The following ASIC2 variants were observed in gnomAD, a reference collection of about 807,000 sequenced individuals.
ASIC2 encodes the protein acid-sensing ion channel 2.
A neutral mutation model predicts 57.3 loss-of-function variants in ASIC2; 25 were observed. The observed-to-expected ratio is 0.44, with a 90% confidence interval of 0.32 to 0.61. The LOEUF (loss-of-function observed/expected upper bound fraction) is 0.61. Ranked by LOEUF, ASIC2 falls within the 20% of genes least tolerant of loss-of-function variation. The pLI is 0.06. For missense variants in ASIC2, 641 were observed against 738.1 expected, an observed-to-expected ratio of 0.87 and a Z score of 1.52; for synonymous variants, 319 against 307.5, an observed-to-expected ratio of 1.04 and a Z score of -0.39.
chr17:33,969,895 C>T (rs181435696), intron 1 of ASIC2, among the ~76,000 whole-genome samples: 10 of 152,102 alleles, frequency 6.6e-5, no homozygotes, highest in Admixed American at 3.9e-4. Context: ...GCTAGGCCTC[C>T]GATATGTAAC....
chr17:33,973,372 G>T (rs1905276958), intron 1 of ASIC2, among the ~76,000 whole-genome samples: 1 of 152,204 alleles, frequency 6.6e-6, no homozygotes, highest in African/African-American at 2.4e-5. Context: ...GAGGCAAGCT[G>T]CCATTGTTGG....
intron 1 of ASIC2, among the ~76,000 whole-genome samples, chr17:33,342,910 G>A (rs897052898): frequency 3.3e-5 from 5 of 152,178 alleles, no homozygotes; most frequent in Non-Finnish European, 7.3e-5. Flanking sequence ...GCAGGCTCTA[G>A]GGACTCGGTT....
At chr17:33,279,297 A>G (rs1161167057) in intron 1 of ASIC2, among the ~76,000 whole-genome samples, 1 of 152,174 alleles carries the variant, frequency 6.6e-6, no homozygotes, top group African/African-American at 2.4e-5. Flanking sequence ...GGCATATCTA[A>G]GCACCCAGTT....
At chr17:33,516,842 A>G (rs1212299717) in intron 1 of ASIC2, among the ~76,000 whole-genome samples, 2 of 152,092 alleles carry the variant, frequency 1.3e-5, no homozygotes, top group African/African-American at 4.8e-5. Context: ...CTCTTATTAC[A>G]CTGGGTTTGA....
intron 1 of ASIC2, among the ~76,000 whole-genome samples, chr17:33,362,647 A>T (rs1384055270): frequency 6.6e-6 from 1 of 152,256 alleles, no homozygotes; most frequent in Admixed American, 6.5e-5. Flanking sequence ...CTGTGAAAAG[A>T]TAATGGATAG....
intron 1 of ASIC2, chr17:33,634,710 C>CTTTTTTTTTT (rs71144892): frequency 1.4e-5 from 1 of 74,036 alleles, no homozygotes; most frequent in Non-Finnish European, 2.7e-5. Flanking sequence ...TTCTTTCTTT[C>CTTTTTTTTTT]TTTTTTTTTT....
intron 1 of ASIC2, among the ~76,000 whole-genome samples, chr17:34,056,123 A>T (rs1908757189): frequency 6.6e-6 from 1 of 152,228 alleles, no homozygotes. Flanking sequence ...AGAGAAATGG[A>T]AGAATGGTCT....
intron 1 of ASIC2, among the ~76,000 whole-genome samples, chr17:33,807,362 A>G (rs1265233419): frequency 1.3e-5 from 2 of 152,166 alleles, no homozygotes; most frequent in South Asian, 2.1e-4. Flanking sequence ...ATTTGACAAT[A>G]TTTGTTGGGT....
At chr17:33,921,859 G>C (rs990426532) in intron 1 of ASIC2, among the ~76,000 whole-genome samples, 1 of 152,120 alleles carries the variant, frequency 6.6e-6, no homozygotes, top group Non-Finnish European at 1.5e-5. Flanking sequence ...GGAGAAGGAG[G>C]AGTGAATATT....
intron 1 of ASIC2, among the ~76,000 whole-genome samples, chr17:33,476,652 G>A (rs4794952): frequency 0.27 from 41,139 of 151,270 alleles, 5,689 homozygotes; most frequent in South Asian, 0.32. Flanking sequence ...AAGAGGGGGT[G>A]CAGCTGAGAG....
At chr17:33,499,355 A>T (rs998990814) in intron 1 of ASIC2, among the ~76,000 whole-genome samples, 9 of 152,222 alleles carry the variant, frequency 5.9e-5, no homozygotes, top group African/African-American at 1.9e-4. Flanking sequence ...ATTTGGAAAT[A>T]GGGGTCTTTG....
At chr17:33,614,817 A>G (rs1174374492) in intron 1 of ASIC2, among the ~76,000 whole-genome samples, 1 of 152,258 alleles carries the variant, frequency 6.6e-6, no homozygotes, top group African/African-American at 2.4e-5. Flanking sequence ...AGTGGTTAAT[A>G]GTATGGACTC....
At chr17:34,151,043 CA>C (rs1904495979) in intron 1 of ASIC2, among the ~76,000 whole-genome samples, 1 of 144,838 alleles carries the variant, frequency 6.9e-6, no homozygotes, top group South Asian at 2.2e-4. Flanking sequence ...GTGGAGGTTG[CA>C]GTGAGCTAAG....
chr17:33,908,619 T>C (rs1327551248), intron 1 of ASIC2, among the ~76,000 whole-genome samples: 1 of 152,198 alleles, frequency 6.6e-6, no homozygotes, highest in African/African-American at 2.4e-5. Context: ...TTTCCAACAG[T>C]TTCTGGCTTA....
intron 1 of ASIC2, among the ~76,000 whole-genome samples, chr17:33,379,507 T>C (rs1909401631): frequency 1.3e-5 from 2 of 152,180 alleles, no homozygotes; most frequent in South Asian, 4.1e-4. Context: ...GGGGTGAGGA[T>C]TCCCGTGGAT....
intron 1 of ASIC2, among the ~76,000 whole-genome samples, chr17:33,918,406 G>A (rs1208679259): frequency 3.3e-5 from 5 of 152,144 alleles, no homozygotes; most frequent in African/African-American, 9.7e-5. Context: ...CTAAGACAGT[G>A]ATTATTGATT....
At chr17:33,612,812 A>C (rs1905453946) in intron 1 of ASIC2, among the ~76,000 whole-genome samples, 1 of 152,202 alleles carries the variant, frequency 6.6e-6, no homozygotes, top group Admixed American at 6.5e-5. Flanking sequence ...TGTCATGAGC[A>C]AGTCACTAGA....
intron 1 of ASIC2, among the ~76,000 whole-genome samples, chr17:33,851,126 A>T (rs765614502): frequency 5.9e-5 from 9 of 152,218 alleles, no homozygotes; most frequent in Non-Finnish European, 1.0e-4. Context: ...ATGATTTCAA[A>T]GTTCTCTTCC....
intron 1 of ASIC2, among the ~76,000 whole-genome samples, chr17:33,905,464 A>G (rs1445008179): frequency 6.6e-6 from 1 of 152,216 alleles, no homozygotes; most frequent in Non-Finnish European, 1.5e-5. Flanking sequence ...CTTCCCTTGC[A>G]TCATAGCTTG....
Sources: gnomAD v4.1 joint callset for allele counts (sites outside exome capture counted in the v4.1 genomes callset) on GRCh38, gnomAD v4.1.1 for gene constraint, MANE v1.5 for transcripts, NCBI Gene and HGNC (gene_info 2026-07-23, HGNC 2026-07-21) for gene names.